The following SOX6 variants were observed in gnomAD, a reference collection of about 807,000 sequenced individuals.
SOX6 encodes transcription factor SOX-6.
In SOX6, 11 loss-of-function variants were observed where a neutral mutation model predicts 97.8. That is an observed-to-expected ratio of 0.11 (90% CI 0.07 to 0.19). The LOEUF is 0.19. Ranked by LOEUF, SOX6 falls within the 10% of genes least tolerant of loss-of-function variation. The probability of loss-of-function intolerance (pLI) is 1.00; values close to 1 mark genes in which losing one functional copy is unlikely to be tolerated. For synonymous variants in SOX6, 360 were observed against 371.4 expected, an observed-to-expected ratio of 0.97 and a Z score of 0.35; for missense variants, 810 against 1,039.5, an observed-to-expected ratio of 0.78 and a Z score of 3.04.
At chr11:16,432,752 G>C (rs891554568) in intron 1 of SOX6, among the ~76,000 whole-genome samples, 1 of 151,984 alleles carries the variant, frequency 6.6e-6, no homozygotes, top group Non-Finnish European at 1.5e-5. Context: ...CCAAAATCCA[G>C]TTATTCAGTT....
intron 4 of SOX6, among the ~76,000 whole-genome samples, chr11:16,536,033 ATTG>A (rs947352073): frequency 1.3e-5 from 2 of 152,188 alleles, no homozygotes; most frequent in Admixed American, 1.3e-4. Context: ...TTGCTAGGAC[ATTG>A]TTATTTTACA....
chr11:16,332,218 G>T (rs1451228262), intron 2 of SOX6, among the ~76,000 whole-genome samples: 2 of 152,076 alleles, frequency 1.3e-5, no homozygotes, highest in African/African-American at 2.4e-5. Flanking sequence ...AAGAGTAAAA[G>T]CTTTCTGAAT....
chr11:16,466,765 C>G (rs550951013), intron 1 of SOX6, among the ~76,000 whole-genome samples: 10 of 150,584 alleles, frequency 6.6e-5, no homozygotes, highest in Non-Finnish European at 1.3e-4. Flanking sequence ...CCCGTCTCTA[C>G]TAAAAATACA....
At chr11:16,669,930 A>C (rs894461923) in intron 3 of SOX6, among the ~76,000 whole-genome samples, 1 of 152,100 alleles carries the variant, frequency 6.6e-6, no homozygotes, top group African/African-American at 2.4e-5. Flanking sequence ...AGTTGCAGTC[A>C]TACAACCTAA....
intron 4 of SOX6, among the ~76,000 whole-genome samples, chr11:16,560,727 TA>T (rs1444973038): frequency 6.6e-6 from 1 of 152,100 alleles, no homozygotes; most frequent in Non-Finnish European, 1.5e-5. Context: ...GTATGAATTG[TA>T]AACTCAATCT....
rs778287485 is a variant in SOX6 at position 16,046,575 on chromosome 11, C to T, written c.1562G>A (p.Gly521Asp). Residue 521 changes from glycine to aspartate, a missense_variant, in exon 12 of 16, where the codon GGT (glycine) becomes GAT (aspartate). Transcript: ENST00000683767. ...TATGGAGGACAGTTTCCCGTCAACA[C>T]CATGTGGCTGTTGCTGCTGTTGCTC... is the stretch of plus-strand genomic sequence containing the variant. ...QREQQQQQPH[G>D]VDGKLSSINN... 1.2e-6 allele frequency: 2 copies of T among 1,613,796 alleles called. No homozygotes were observed. Among genetic ancestry groups the T allele is most frequent in the Non-Finnish European group, 1.7e-6 (2 of 1,179,820 alleles).
At chr11:16,084,009 A>G (rs994583454) in intron 9 of SOX6, among the ~76,000 whole-genome samples, 1 of 152,068 alleles carries the variant, frequency 6.6e-6, no homozygotes, top group Non-Finnish European at 1.5e-5. Context: ...ATAACATGAC[A>G]TTTGTTTCAT....
chr11:16,437,093 C>T (rs1399773507), intron 1 of SOX6, among the ~76,000 whole-genome samples: 2 of 125,000 alleles, frequency 1.6e-5, no homozygotes, highest in African/African-American at 6.7e-5. Context: ...TCCATCTTTA[C>T]AAGAAATTAA....
intron 3 of SOX6, among the ~76,000 whole-genome samples, chr11:16,663,393 A>G (rs1847780881): frequency 6.6e-6 from 1 of 152,038 alleles, no homozygotes; most frequent in East Asian, 1.9e-4. Flanking sequence ...GTACAAACAA[A>G]CTCACTGCAA....
At chr11:16,411,998 A>G (rs73433528) in intron 1 of SOX6, among the ~76,000 whole-genome samples, 6,394 of 152,286 alleles carry the variant, frequency 0.042, 429 homozygotes, top group African/African-American at 0.14. Flanking sequence ...TGTGTATCTA[A>G]TAAAAGTATC....
intron 3 of SOX6, among the ~76,000 whole-genome samples, chr11:16,298,738 C>A (rs1355176868): frequency 6.6e-6 from 1 of 152,016 alleles, no homozygotes; most frequent in African/African-American, 2.4e-5. Context: ...CATACTCCAG[C>A]TATTCCTTGG....
In SOX6 at chr11:16,134,083, G is replaced by A. The variant is rs1438208085; in HGVS notation, c.778-22160C>T. ...TGATATAGTATTGGCAATGTGCCAG[G>A]CACTTTTTTAAGTGCTTTACATGCA... On this transcript the variant is annotated intron_variant, in intron 6 of 15. Coordinates refer to ENST00000683767, the MANE Select transcript of SOX6 (RefSeq NM_001367873.1). Among the ~76,000 whole-genome samples, 74 of 152,218 alleles carry A rather than the reference G, an allele frequency of 4.9e-4. 3 individuals carry two copies. Among genetic ancestry groups the A allele is most frequent in the Non-Finnish European group, 8.8e-5 (6 of 68,038 alleles).
intron 3 of SOX6, among the ~76,000 whole-genome samples, chr11:16,706,973 G>A (rs1848141666): frequency 1.3e-5 from 2 of 151,932 alleles, no homozygotes; most frequent in African/African-American, 4.8e-5. Flanking sequence ...ATGAAAAAAT[G>A]CACACTGGGA....
At chr11:16,583,747 T>C (rs1022094660) in intron 4 of SOX6, among the ~76,000 whole-genome samples, 5 of 151,070 alleles carry the variant, frequency 3.3e-5, no homozygotes, top group African/African-American at 4.8e-5. Flanking sequence ...CTCTTCCATA[T>C]ACTGATTCCC....
chr11:16,248,112 T>C (rs1454291965), intron 3 of SOX6, among the ~76,000 whole-genome samples: 1 of 152,190 alleles, frequency 6.6e-6, no homozygotes, highest in Non-Finnish European at 1.5e-5. Context: ...ATGACCTCCT[T>C]TGACTCCATG....
chr11:16,349,715 AGAAGGAAGGAAG>A (rs545842880), intron 1 of SOX6, among the ~76,000 whole-genome samples: 1 of 41,730 alleles, frequency 2.4e-5, no homozygotes, highest in Non-Finnish European at 4.7e-5. Flanking sequence ...GAAGGAAGGA[AGAAGGAAGGAAG>A]GAAGGAAGGA....
chr11:16,595,245 G>A (rs1848199634), intron 4 of SOX6, among the ~76,000 whole-genome samples: 1 of 151,904 alleles, frequency 6.6e-6, no homozygotes, highest in East Asian at 1.9e-4. Flanking sequence ...AAGCGGTGGT[G>A]AGGAAAATAG....
chr11:16,340,763 C>T (rs1565100608), intron 2 of SOX6, among the ~76,000 whole-genome samples: 1 of 151,918 alleles, frequency 6.6e-6, no homozygotes, highest in Non-Finnish European at 1.5e-5. Flanking sequence ...AACCAATCCC[C>T]CCACAAAAAT....
intron 4 of SOX6, among the ~76,000 whole-genome samples, chr11:16,608,928 T>G (rs1267598796): frequency 6.6e-6 from 1 of 152,178 alleles, no homozygotes; most frequent in Non-Finnish European, 1.5e-5. Context: ...ACAGTTTCAG[T>G]CACCCAGGAT....
Sources: allele counts gnomAD v4.1 joint callset (sites outside exome capture counted in the v4.1 genomes callset), GRCh38; gene constraint gnomAD v4.1.1; transcripts MANE v1.5; gene names NCBI Gene and HGNC (gene_info 2026-07-23, HGNC 2026-07-21).